Variants in ITPK1 observed in about 807,000 individuals in gnomAD.
ITPK1 encodes inositol-tetrakisphosphate 1-kinase.
In ITPK1, 21 loss-of-function variants were observed where a neutral mutation model predicts 45.3. The ratio of observed to expected loss-of-function variants is 0.46; its 90% CI spans 0.33 to 0.67. The LOEUF is 0.67. Ranked by LOEUF, ITPK1 falls within the 30% of genes least tolerant of loss-of-function variation. The pLI, the probability that ITPK1 is intolerant of heterozygous loss-of-function variation, is 0.02. For synonymous variants in ITPK1, 258 were observed against 253.6 expected (o/e 1.02, Z -0.16); for missense variants, 474 against 573.5 (o/e 0.83, Z 1.77).
At chr14:93,106,153 ACCC>A (rs1415972286) in intron 2 of ITPK1, among the ~76,000 whole-genome samples, 2 of 151,808 alleles carry the variant, frequency 1.3e-5, no homozygotes, top group Admixed American at 1.3e-4. Context: ...AGGTCAGCTG[ACCC>A]ACCCACTACC....
Position 93,032,523 on chromosome 14 carries a change from T to C in ITPK1, c.121-15722A>G, listed in dbSNP as rs1889121908. On this transcript the variant is annotated intron_variant, in intron 3 of 10. Coordinates refer to ENST00000267615, the MANE Select transcript of ITPK1 (RefSeq NM_014216.6). This position sits in a 1 kb window ranked among gnomAD's most constrained non-coding sequence, Gnocchi z 4.0. ...TTTAATATGTTCACTTGCACAGAGA[T>C]TTGCAGAGAGGAAGAAGCTGACACT... is the stretch of plus-strand genomic sequence containing the variant. 6.6e-6 allele frequency among the ~76,000 whole-genome samples: 1 copy of C among 152,106 alleles called. No homozygotes were observed. Among genetic ancestry groups the C allele is most frequent in the Non-Finnish European group, 1.5e-5 (1 of 68,018 alleles).
intron 2 of ITPK1, among the ~76,000 whole-genome samples, chr14:93,106,461 A>G (rs547657583): frequency 1.2e-3 from 176 of 152,272 alleles, no homozygotes; most frequent in African/African-American, 4.0e-3. Context: ...GAGGCTTATA[A>G]GGCTTATGGT....
chr14:93,000,179 G>T (rs1320890131), intron 4 of ITPK1, among the ~76,000 whole-genome samples: 2 of 152,146 alleles, frequency 1.3e-5, no homozygotes, highest in Non-Finnish European at 2.9e-5. Context: ...TCCACTTTTT[G>T]GCTGTTAGGA....
Position 93,016,863 on chromosome 14 carries a change from C to T in ITPK1, c.121-62G>A, listed in dbSNP as rs1453747680. ...CAGCACCTGAGTCCACTGCCCCCATCCTCTTGTCCACCCTGGGGCATATCA... is the reference window on the plus strand; with the variant it reads ...CAGCACCTGAGTCCACTGCCCCCATTCTCTTGTCCACCCTGGGGCATATCA... On this transcript the variant is annotated intron_variant, in intron 3 of 10. Coordinates refer to ENST00000267615, the MANE Select transcript of ITPK1 (RefSeq NM_014216.6). The surrounding 1 kb of genome is among the most constrained non-coding windows in gnomAD (Gnocchi z 5.0). 1.9e-6 allele frequency: 3 copies of T among 1,596,928 alleles called. No homozygotes were observed. The African/African-American group carries it at 4.0e-5, about 21-fold the overall frequency.
intron 3 of ITPK1, among the ~76,000 whole-genome samples, chr14:93,025,884 T>C (rs75452640): frequency 0.05 from 7,659 of 152,256 alleles, 346 homozygotes; most frequent in African/African-American, 0.11. Context: ...CATGGGATTG[T>C]TGGAAGGTTG....
chr14:92,994,989 G>A (rs1176223278), intron 4 of ITPK1, among the ~76,000 whole-genome samples: 1 of 152,206 alleles, frequency 6.6e-6, no homozygotes, highest in African/African-American at 2.4e-5. Flanking sequence ...CAGACGCAGG[G>A]AGGAGGCCGT....
At chr14:92,976,540 A>T (rs954084150) in intron 5 of ITPK1, among the ~76,000 whole-genome samples, 3 of 152,248 alleles carry the variant, frequency 2.0e-5, no homozygotes, top group African/African-American at 7.2e-5. Context: ...TTGGATTTCC[A>T]TCTAACAGAC....
intron 7 of ITPK1, among the ~76,000 whole-genome samples, chr14:92,960,242 G>T (rs913165824): frequency 1.3e-5 from 2 of 152,176 alleles, no homozygotes; most frequent in Non-Finnish European, 2.9e-5. Flanking sequence ...AATGAGGAGT[G>T]ATTTATAGCT....
chr14:93,012,482 T>C lies in ITPK1; in HGVS notation c.246+4194A>G, dbSNP rs914314799. On this transcript the variant is annotated intron_variant, in intron 4 of 10. Coordinates refer to ENST00000267615, the MANE Select transcript of ITPK1 (RefSeq NM_014216.6). This position sits in a 1 kb window ranked among gnomAD's most constrained non-coding sequence, Gnocchi z 4.9. ...GGTGGGGCAGATCACCGAGGCCCCA[T>C]GGGTCAAGCTGGCAATCATGGCCTT... Among the ~76,000 whole-genome samples, 4 of 152,084 alleles carry C rather than the reference T, an allele frequency of 2.6e-5. No individual in the cohort carries two copies. The highest frequency in any genetic ancestry group is 2.0e-4 in the Admixed American group (3 of 15,272).
At chr14:93,029,208 G>A (rs983119528) in intron 3 of ITPK1, among the ~76,000 whole-genome samples, 9 of 152,156 alleles carry the variant, frequency 5.9e-5, no homozygotes, top group African/African-American at 1.9e-4. Context: ...GAGGGAACTC[G>A]TGGAAGGTCA....
intron 2 of ITPK1, among the ~76,000 whole-genome samples, chr14:93,110,292 C>G (rs573819091): frequency 6.6e-6 from 1 of 152,236 alleles, no homozygotes; most frequent in East Asian, 1.9e-4. Context: ...GCAAAGAAAA[C>G]CTAAGTCAGC....
Position 92,946,312 on chromosome 14 carries a change from T to G in ITPK1, c.901+19A>C, listed in dbSNP as rs767967577. On this transcript the variant is annotated intron_variant, in intron 10 of 10. Coordinates refer to ENST00000267615, the MANE Select transcript of ITPK1 (RefSeq NM_014216.6). ...GTCTCTGGAGGCCGGTCAGTGGAGGTGGCCTGGCCGCCACTCACCTGGGAA... is the reference window on the plus strand; with the variant it reads ...GTCTCTGGAGGCCGGTCAGTGGAGGGGGCCTGGCCGCCACTCACCTGGGAA... The G allele has an allele frequency of 3.1e-6, 5 of 1,611,832 alleles. No individual in the cohort carries two copies. In the Admixed American group the frequency reaches 8.3e-5, roughly 27 times the overall value.
intron 5 of ITPK1, among the ~76,000 whole-genome samples, chr14:92,978,229 G>A (rs1165825693): frequency 1.3e-5 from 2 of 151,952 alleles, no homozygotes; most frequent in African/African-American, 4.9e-5. Flanking sequence ...GGTATCTGGT[G>A]GAAGAAATTT....
intron 7 of ITPK1, among the ~76,000 whole-genome samples, chr14:92,961,751 G>A (rs929331840): frequency 2.0e-5 from 3 of 152,202 alleles, no homozygotes; most frequent in African/African-American, 7.2e-5. Context: ...GAATTCCTAC[G>A]CTGAAGCCCA....
intron 3 of ITPK1, among the ~76,000 whole-genome samples, chr14:93,062,791 C>T (rs1448663883): frequency 6.6e-6 from 1 of 152,160 alleles, no homozygotes; most frequent in African/African-American, 2.4e-5. Flanking sequence ...AAGGCCAGGG[C>T]CTGGCCTACC....
At position 93,014,809 on chromosome 14, in the gene ITPK1, G is replaced by A. The variant is rs1169374979; in HGVS notation, c.246+1867C>T. ...GCTCATGGGAGCAAGTGGGTCAACCGCCATGAAGCGCTTTCGAGCAGGGCT... is the reference window on the plus strand; with the variant it reads ...GCTCATGGGAGCAAGTGGGTCAACCACCATGAAGCGCTTTCGAGCAGGGCT... On this transcript the variant is annotated intron_variant, in intron 4 of 10. Coordinates refer to ENST00000267615, the MANE Select transcript of ITPK1 (RefSeq NM_014216.6). The surrounding 1 kb of genome is among the most constrained non-coding windows in gnomAD (Gnocchi z 4.4). Among the ~76,000 whole-genome samples, 1 of 152,246 alleles carries A rather than the reference G, an allele frequency of 6.6e-6. No individual in the cohort carries two copies. Among genetic ancestry groups the A allele is most frequent in the Non-Finnish European group, 1.5e-5 (1 of 68,048 alleles).
chr14:93,092,621 C>T (rs1891906935), intron 2 of ITPK1, among the ~76,000 whole-genome samples: 1 of 152,242 alleles, frequency 6.6e-6, no homozygotes, highest in African/African-American at 2.4e-5. Flanking sequence ...TCTGGAAGTA[C>T]CTGCAGACAT....
intron 3 of ITPK1, among the ~76,000 whole-genome samples, chr14:93,065,437 T>G (rs968920230): frequency 1.3e-5 from 2 of 152,286 alleles, no homozygotes; most frequent in African/African-American, 4.8e-5. Flanking sequence ...GAGGACAAAC[T>G]AGGTAAACAG....
At chr14:93,110,971 T>TTCCTCATCCCTCCATCCCAACGAGGGATG (rs1334642178) in intron 2 of ITPK1, among the ~76,000 whole-genome samples, 1 of 152,098 alleles carries the variant, frequency 6.6e-6, no homozygotes, top group South Asian at 2.1e-4. Context: ...GAGCCTCTGT[T>TTCCTCATCCCTCCATCCCAACGAGGGATG]TCCTCATCCC....
Sources: allele counts gnomAD v4.1 joint callset (sites outside exome capture counted in the v4.1 genomes callset), GRCh38; gene constraint gnomAD v4.1.1; non-coding constraint Gnocchi (gnomAD v3.1); transcripts MANE v1.5; gene names NCBI Gene and HGNC (gene_info 2026-07-23, HGNC 2026-07-21).